NTM: variants seen among roughly 807,000 people sequenced by gnomAD.
The protein encoded by NTM is IgLON family member 2.
Under a neutral mutation model 42.1 loss-of-function variants are expected in NTM, and 13 were observed. That is an observed-to-expected ratio of 0.31 (90% CI 0.20 to 0.49). NTM has a LOEUF of 0.49. Ranked by LOEUF, NTM falls within the 20% of genes least tolerant of loss-of-function variation. The pLI is 0.99. For synonymous variants in NTM, 187 were observed against 179.2 expected (o/e 1.04, Z -0.35); for missense variants, 373 against 452.8 (o/e 0.82, Z 1.60).
chr11:132,039,889 A>T (rs2076968093), intron 2 of NTM, among the ~76,000 whole-genome samples: 1 of 152,214 alleles, frequency 6.6e-6, no homozygotes, highest in African/African-American at 2.4e-5. Flanking sequence ...GTGAGCGTCA[A>T]CTAAGATAAC....
chr11:131,987,133 G>T lies in NTM; in HGVS notation c.167+75485G>T, dbSNP rs547050039. Among the ~76,000 whole-genome samples the T allele has an allele frequency of 2.0e-5, 3 of 152,250 alleles. No individual in the cohort carries two copies. In the South Asian group the frequency reaches 6.2e-4, roughly 32 times the overall value. On this transcript the variant is annotated intron_variant, in intron 2 of 8. Transcript: ENST00000683400. The stretch of plus-strand genomic sequence containing the variant: ...CCATATTACTAATGAGGAAACTGAT[G>T]CACTAAAAGGCAGTTATTTGTCTAA...
At position 131,940,331 on chromosome 11, in the gene NTM, G is replaced by A. The variant is rs1341390350; in HGVS notation, c.167+28683G>A. On this transcript the variant is annotated intron_variant, in intron 2 of 8. Coordinates refer to ENST00000683400, the MANE Select transcript of NTM (RefSeq NM_001352005.2). ...ACAAAATATTATCAGCTCCTCCCAG[G>A]CCTCTGGTTGTTGAGGAAGAAAAGT... Among the ~76,000 whole-genome samples, 12 of 152,318 alleles carry A rather than the reference G, an allele frequency of 7.9e-5. No homozygotes were observed. In the East Asian group the frequency reaches 2.1e-3, roughly 27 times the overall value.
chr11:131,619,816 C>T (rs1220365381), intron 1 of NTM, among the ~76,000 whole-genome samples: 9 of 142,660 alleles, frequency 6.3e-5, no homozygotes, highest in East Asian at 4.1e-4. Flanking sequence ...TAAACATCTT[C>T]TTTTTTTTTT....
chr11:132,209,870 T>G (rs2138632397), intron 3 of NTM, among the ~76,000 whole-genome samples: 1 of 152,340 alleles, frequency 6.6e-6, no homozygotes, highest in South Asian at 2.1e-4. Flanking sequence ...ACACGCTTAT[T>G]AATGATGAGC....
intron 1 of NTM, among the ~76,000 whole-genome samples, chr11:131,847,720 C>CAA (rs145153859): frequency 1.2e-4 from 18 of 149,656 alleles, no homozygotes; most frequent in African/African-American, 2.0e-4. Context: ...AGGGAAATAC[C>CAA]AAAAAAAAAT....
At chr11:131,971,573 A>G (rs80010949) in intron 2 of NTM, among the ~76,000 whole-genome samples, 4,238 of 152,162 alleles carry the variant, frequency 0.028, 198 homozygotes, top group African/African-American at 0.097. Context: ...TTTGCGGTAT[A>G]GTGATTAAGA....
intron 1 of NTM, among the ~76,000 whole-genome samples, chr11:131,741,813 C>T (rs117160826): frequency 0.018 from 2,713 of 152,242 alleles, 38 homozygotes; most frequent in Non-Finnish European, 0.028. Context: ...GTCGAAGACA[C>T]GGAATCAACC....
At chr11:132,125,642 G>GTCATGTGGTATGTGTT (rs1555272002) in intron 2 of NTM, among the ~76,000 whole-genome samples, 1 of 712 alleles carries the variant, frequency 1.4e-3, no homozygotes, top group Non-Finnish European at 2.2e-3. Context: ...TGGTATGTGT[G>GTCATGTGGTATGTGTT]TCATGTGGTA....
intron 4 of NTM, among the ~76,000 whole-genome samples, chr11:132,292,905 A>C (rs1591794910): frequency 6.6e-6 from 1 of 152,038 alleles, no homozygotes; most frequent in East Asian, 1.9e-4. Context: ...AAAAGGTAGG[A>C]AGTTATGGAC....
chr11:131,800,502 A>G (rs2092008706), intron 1 of NTM, among the ~76,000 whole-genome samples: 1 of 152,248 alleles, frequency 6.6e-6, no homozygotes, highest in Non-Finnish European at 1.5e-5. Context: ...CATATAGGCT[A>G]AAGAAATTGC....
chr11:131,949,986 A>T (rs1382918528), intron 2 of NTM, among the ~76,000 whole-genome samples: 1 of 152,168 alleles, frequency 6.6e-6, no homozygotes, highest in Non-Finnish European at 1.5e-5. Flanking sequence ...AAAATGAAGG[A>T]TGCTTCTCTG....
intron 2 of NTM, among the ~76,000 whole-genome samples, chr11:131,956,673 T>C (rs2061592872): frequency 6.6e-6 from 1 of 151,178 alleles, no homozygotes; most frequent in African/African-American, 2.5e-5. Context: ...TTCTTCCAGC[T>C]CCGGTGTTTG....
chr11:131,648,704 A>G (rs1052439548), intron 1 of NTM, among the ~76,000 whole-genome samples: 2 of 152,194 alleles, frequency 1.3e-5, no homozygotes, highest in Non-Finnish European at 1.5e-5. Flanking sequence ...TTGTAATACC[A>G]ACATGCCTTT....
In NTM at chr11:132,299,297, AAAAACAAAAC is replaced by A. The variant is rs201038709; in HGVS notation, c.527-8377_527-8368del. ...GTGACAGAGCGAGACTCTGTCTCAA[AAAAACAAAAC>A]AAAACAAAACAAAAAATACTATTCA... On this transcript the variant is annotated intron_variant, in intron 4 of 8. Transcript: ENST00000683400. Among the ~76,000 whole-genome samples the A allele has an allele frequency of 4.6e-5, 7 of 152,266 alleles. No homozygotes were observed. In the East Asian group the frequency reaches 1.4e-3, roughly 29 times the overall value.
intron 2 of NTM, among the ~76,000 whole-genome samples, chr11:132,021,076 C>T (rs1046099728): frequency 6.6e-6 from 1 of 151,754 alleles, no homozygotes; most frequent in Non-Finnish European, 1.5e-5. Flanking sequence ...TCTTTTTTCC[C>T]CTCTTTTTCC....
At chr11:131,586,839 G>T (rs1455227940) in intron 1 of NTM, among the ~76,000 whole-genome samples, 1 of 152,142 alleles carries the variant, frequency 6.6e-6, no homozygotes, top group African/African-American at 2.4e-5. Flanking sequence ...CTTTTTAAGT[G>T]TTTTCAACTC....
rs150012578 is a variant in NTM at position 131,509,042 on chromosome 11, AAAT to A, written c.82+138166_82+138168del. Among the ~76,000 whole-genome samples the A allele has an allele frequency of 1.0e-3, 157 of 151,986 alleles. 1 individual carries two copies. The highest frequency in any genetic ancestry group is 3.4e-3 in the African/African-American group (142 of 41,372). On this transcript the variant is annotated intron_variant, in intron 1 of 8. Coordinates refer to ENST00000683400, the MANE Select transcript of NTM (RefSeq NM_001352005.2). ...CTAGAACTTAAAGTATAATAATAAAAAATAATAATAATAAAAAAGAAATTTGCT... is the reference window on the plus strand; with the variant it reads ...CTAGAACTTAAAGTATAATAATAAAAAATAATAATAAAAAAGAAATTTGCT...
chr11:132,042,101 G>C (rs946040302), intron 2 of NTM, among the ~76,000 whole-genome samples: 1 of 152,172 alleles, frequency 6.6e-6, no homozygotes, highest in Admixed American at 6.5e-5. Context: ...GTAAGCAGTA[G>C]GTTGCCACAA....
chr11:131,953,353 T>C (rs1001177789), intron 2 of NTM, among the ~76,000 whole-genome samples: 11 of 152,290 alleles, frequency 7.2e-5, no homozygotes, highest in African/African-American at 2.4e-4. Context: ...GCGAGTGTAG[T>C]ATCCATAGCT....
Sources: allele counts gnomAD v4.1 joint callset (sites outside exome capture counted in the v4.1 genomes callset), GRCh38; gene constraint gnomAD v4.1.1; transcripts MANE v1.5; gene names NCBI Gene and HGNC (gene_info 2026-07-23, HGNC 2026-07-21).